Variants in FNIP1 observed in about 807,000 individuals in gnomAD.
FNIP1 encodes folliculin-interacting protein 1.
In FNIP1, 40 loss-of-function variants were observed where a neutral mutation model predicts 124.5. The ratio of observed to expected loss-of-function variants is 0.32; its 90% CI spans 0.25 to 0.42. FNIP1 has a LOEUF of 0.42. FNIP1 is among the 10% of genes least tolerant of loss of function. The probability of loss-of-function intolerance (pLI) is 1.00; values close to 1 mark genes in which losing one functional copy is unlikely to be tolerated. For missense variants in FNIP1, 1,176 were observed against 1,403.7 expected (o/e 0.84, Z 2.59); for synonymous variants, 472 against 470.6 (o/e 1.00, Z -0.04).
At chr5:131,745,833 C>T (rs183236488) in intron 1 of FNIP1, among the ~76,000 whole-genome samples, 184 of 152,190 alleles carry the variant, frequency 1.2e-3, no homozygotes, top group African/African-American at 4.2e-3. Context: ...AAACGTGCAA[C>T]GTTTGTCTAG....
At chr5:131,785,479 C>T (rs544739456) in intron 1 of FNIP1, among the ~76,000 whole-genome samples, 4 of 151,826 alleles carry the variant, frequency 2.6e-5, no homozygotes, top group South Asian at 4.2e-4. Context: ...CACTTGAACC[C>T]GGGAGGCGGA....
intron 11 of FNIP1, among the ~76,000 whole-genome samples, chr5:131,697,257 G>A (rs1284753699): frequency 6.6e-6 from 1 of 152,036 alleles, no homozygotes; most frequent in East Asian, 1.9e-4. Context: ...TTTACACAGT[G>A]GTACGTAGTG....
intron 1 of FNIP1, among the ~76,000 whole-genome samples, chr5:131,793,470 A>C (rs1485783420): frequency 3.9e-5 from 6 of 152,234 alleles, no homozygotes; most frequent in Admixed American, 3.9e-4. Flanking sequence ...AAATGGAGAA[A>C]ACAAATTACT....
At chr5:131,711,378 C>G (rs1021989263) in intron 6 of FNIP1, among the ~76,000 whole-genome samples, 6 of 152,192 alleles carry the variant, frequency 3.9e-5, no homozygotes, top group African/African-American at 1.4e-4. Flanking sequence ...AGCCTGAAAG[C>G]AAGCAGCTGG....
chr5:131,724,007 G>C (rs1323243337), intron 3 of FNIP1, among the ~76,000 whole-genome samples: 2 of 152,114 alleles, frequency 1.3e-5, no homozygotes, highest in Non-Finnish European at 2.9e-5. Context: ...ATGGTTTCCA[G>C]CTTCATCCAT....
chr5:131,774,432 C>A (rs6870930), intron 1 of FNIP1, among the ~76,000 whole-genome samples: 87,734 of 152,164 alleles, frequency 0.58, 29,760 homozygotes, highest in Non-Finnish European at 0.76. Context: ...AAAAGTAACA[C>A]TGAACAAGTC....
chr5:131,671,499 A>C lies in FNIP1; in HGVS notation c.2939+6T>G. On this transcript the variant is annotated splice_donor_region_variant and intron_variant, in intron 14 of 17. Transcript: ENST00000510461. ...GGCCCATTATAGGTGAAAACTTCCTACTTACCCAGGAAAAGGTATCTCATC... is the reference window on the plus strand; with the variant it reads ...GGCCCATTATAGGTGAAAACTTCCTCCTTACCCAGGAAAAGGTATCTCATC... 6.3e-7 allele frequency: 1 copy of C among 1,599,784 alleles called. No homozygotes were observed. The highest frequency in any genetic ancestry group is 8.5e-7 in the Non-Finnish European group (1 of 1,175,938).
intron 15 of FNIP1, among the ~76,000 whole-genome samples, chr5:131,655,035 T>C (rs984892938): frequency 2.6e-5 from 4 of 152,244 alleles, no homozygotes; most frequent in Non-Finnish European, 5.9e-5. Flanking sequence ...TTGTGAAATA[T>C]ATTCAGCTGA....
chr5:131,755,774 C>A (rs762566828), intron 1 of FNIP1, among the ~76,000 whole-genome samples: 27 of 152,006 alleles, frequency 1.8e-4, no homozygotes, highest in Middle Eastern at 3.4e-3. Flanking sequence ...TTTGGGAGGC[C>A]GAGGCTGGTG....
chr5:131,783,532 T>C (rs1772066732), intron 1 of FNIP1, among the ~76,000 whole-genome samples: 3 of 151,272 alleles, frequency 2.0e-5, no homozygotes, highest in African/African-American at 4.9e-5. Context: ...AAAGAAGTGA[T>C]GCAATCTAAG....
intron 1 of FNIP1, among the ~76,000 whole-genome samples, chr5:131,774,507 C>T (rs1157430480): frequency 1.3e-5 from 2 of 152,150 alleles, no homozygotes; most frequent in Non-Finnish European, 2.9e-5. Context: ...TCATTTCACA[C>T]CCTCCCATAC....
At chr5:131,732,043 TTC>T (rs2149550857) in intron 2 of FNIP1, among the ~76,000 whole-genome samples, 1 of 152,310 alleles carries the variant, frequency 6.6e-6, no homozygotes, top group South Asian at 2.1e-4. Context: ...AAAAATGTAT[TTC>T]TTTTTAATTC....
chr5:131,668,276 A>G lies in FNIP1; in HGVS notation c.3108+2187T>C, dbSNP rs566990027. Among the ~76,000 whole-genome samples, 25 of 152,384 alleles carry G rather than the reference A, an allele frequency of 1.6e-4. 1 individual carries two copies. In the South Asian group the frequency reaches 4.6e-3, roughly 28 times the overall value. On this transcript the variant is annotated intron_variant, in intron 15 of 17. Coordinates refer to ENST00000510461, the MANE Select transcript of FNIP1 (RefSeq NM_133372.3). ...CAGCAAAACAACTTTTGAGAATTCC[A>G]TAAATATTTGTAAATTAAACAGCAT... is the stretch of plus-strand genomic sequence containing the variant.
intron 1 of FNIP1, among the ~76,000 whole-genome samples, chr5:131,777,287 G>A (rs1771842526): frequency 6.6e-6 from 1 of 151,644 alleles, no homozygotes; most frequent in Non-Finnish European, 1.5e-5. Flanking sequence ...GAGAAATTTT[G>A]TATCTCTGTT....
intron 2 of FNIP1, among the ~76,000 whole-genome samples, chr5:131,733,542 C>T (rs1022941800): frequency 5.3e-5 from 8 of 152,078 alleles, no homozygotes; most frequent in African/African-American, 9.7e-5. Context: ...GCATGAAGGG[C>T]TGTTGAATTT....
intron 10 of FNIP1, 151 bp downstream of exon 10, chr5:131,703,914 A>G: frequency 1.7e-6 from 1 of 596,560 alleles, no homozygotes. Flanking sequence ...AAGCACCTTA[A>G]AAAGGGTTCA....
Position 131,683,414 on chromosome 5 carries a change from G to A in FNIP1, c.1203-4239C>T, listed in dbSNP as rs185689896. Among the ~76,000 whole-genome samples, 279 of 151,908 alleles carry A rather than the reference G, an allele frequency of 1.8e-3. 1 individual carries two copies. Among genetic ancestry groups the A allele is most frequent in the African/African-American group, 6.4e-3 (265 of 41,422 alleles). On this transcript the variant is annotated intron_variant, in intron 11 of 17. Transcript: ENST00000510461. ...ATACAAAAAAAAAAATTAGCCAGGC[G>A]TGGTGGTGGGCACCTGTAGTCCCAG...
intron 1 of FNIP1, among the ~76,000 whole-genome samples, chr5:131,785,100 A>AT (rs1772142964): frequency 9.5e-5 from 2 of 21,164 alleles, no homozygotes; most frequent in African/African-American, 1.2e-4. Flanking sequence ...GATATATATG[A>AT]CTATATATAT....
intron 1 of FNIP1, among the ~76,000 whole-genome samples, chr5:131,748,044 T>C (rs1437114479): frequency 6.6e-6 from 1 of 152,016 alleles, no homozygotes; most frequent in Non-Finnish European, 1.5e-5. Context: ...AGGGAATCCA[T>C]ATCTAAGAGA....
Sources: allele counts gnomAD v4.1 joint callset (sites outside exome capture counted in the v4.1 genomes callset), GRCh38; gene constraint gnomAD v4.1.1; transcripts MANE v1.5; gene names NCBI Gene and HGNC (gene_info 2026-07-23, HGNC 2026-07-21).